Variants in NPR3 observed in about 807,000 individuals in gnomAD.
NPR3 encodes atrial natriuretic peptide receptor 3.
NPR3 carries 34 observed loss-of-function variants against 54.5 expected under a neutral mutation model. The observed-to-expected ratio is 0.62, with a 90% CI of 0.47 to 0.83. NPR3 has a LOEUF of 0.83. NPR3 is among the 40% of genes least tolerant of loss of function. The probability of loss-of-function intolerance (pLI) is 0.00; values close to 1 mark genes in which losing one functional copy is unlikely to be tolerated. For missense variants in NPR3, 674 were observed against 720.8 expected (o/e 0.94, Z 0.74); for synonymous variants, 289 against 297.1 (o/e 0.97, Z 0.28).
chr5:32,713,474 G>C (rs999576670), intron 1 of NPR3: 2 of 984,632 alleles, frequency 2.0e-6, no homozygotes, highest in Admixed American at 1.2e-4. Context: ...TGAGATGCCG[G>C]TATAGCGCCG....
intron 1 of NPR3, chr5:32,716,368 C>CTTTT (rs34628434): frequency 1.2e-5 from 5 of 404,432 alleles, no homozygotes; most frequent in East Asian, 1.6e-4. Flanking sequence ...TAACATGCTA[C>CTTTT]TTTTTTTTTT....
chr5:32,752,548 C>T (rs964734593), intron 3 of NPR3, among the ~76,000 whole-genome samples: 2 of 152,198 alleles, frequency 1.3e-5, no homozygotes, highest in African/African-American at 4.8e-5. Flanking sequence ...CTCCTCCCCT[C>T]CTTCGCCCTC....
intron 1 of NPR3, 90 bp from the exon 2 acceptor site, chr5:32,724,608 G>A (rs182050113): frequency 3.8e-5 from 56 of 1,477,986 alleles, no homozygotes; most frequent in Middle Eastern, 2.2e-4. Flanking sequence ...TAAGTATCCC[G>A]TTCCTTGTCA....
At chr5:32,707,772 A>G (rs1738034635), upstream of NPR3, among the ~76,000 whole-genome samples, 1 of 152,182 alleles carries the variant, frequency 6.6e-6, no homozygotes, top group Admixed American at 6.5e-5. Context: ...AGTTGCAGAG[A>G]CTGTTACAGT....
intron 1 of NPR3, among the ~76,000 whole-genome samples, chr5:32,699,827 A>C (rs1283607844): frequency 6.6e-6 from 1 of 152,152 alleles, no homozygotes; most frequent in Non-Finnish European, 1.5e-5. Context: ...TTGCTCATTA[A>C]TGTCCTTTTC....
chr5:32,723,385 C>T (rs2111887452), intron 1 of NPR3, among the ~76,000 whole-genome samples: 1 of 152,270 alleles, frequency 6.6e-6, no homozygotes. Flanking sequence ...TTGTGTGAAG[C>T]CTCTTGAATC....
At chr5:32,780,059 C>T (rs942063318) in intron 4 of NPR3, among the ~76,000 whole-genome samples, 13 of 152,184 alleles carry the variant, frequency 8.5e-5, no homozygotes, top group African/African-American at 2.9e-4. Context: ...GCTAAATCCC[C>T]AGTCCAGGCT....
chr5:32,723,285 T>C lies in NPR3; in HGVS notation c.770-1413T>C, dbSNP rs115018592. Among the ~76,000 whole-genome samples, 436 of 152,282 alleles carry C rather than the reference T, an allele frequency of 2.9e-3. 1 individual carries two copies. Among genetic ancestry groups the C allele is most frequent in the African/African-American group, 9.8e-3 (406 of 41,548 alleles). ...CCTGGGTCTATCAACAGGGATCAAA[T>C]AGACTGGGTAATGGTCAAGCCCTAC... On this transcript the variant is annotated intron_variant, in intron 1 of 7. Transcript: ENST00000265074.
intron 3 of NPR3, among the ~76,000 whole-genome samples, chr5:32,755,934 C>T (rs1340744174): frequency 1.3e-5 from 2 of 152,310 alleles, no homozygotes; most frequent in Middle Eastern, 3.4e-3. Context: ...GACATGAACT[C>T]ATCATTTTTT....
chr5:32,784,616 AAAAC>A (rs767011594), intron 6 of NPR3, among the ~76,000 whole-genome samples, 176 bp from the exon 7 acceptor site: 28 of 152,192 alleles, frequency 1.8e-4, no homozygotes, highest in Non-Finnish European at 1.3e-4. Context: ...GCACTGGGCA[AAAAC>A]AAACAAACAA....
chr5:32,711,045 C>T (rs1738193648), upstream of NPR3, among the ~76,000 whole-genome samples: 4 of 151,994 alleles, frequency 2.6e-5, no homozygotes, highest in South Asian at 8.3e-4. Context: ...GGGCTCTTGC[C>T]GGTGCAGACG....
Position 32,702,405 on chromosome 5 carries a change from C to T in NPR3, c.100+13219C>T, listed in dbSNP as rs139385805. 3.5e-3 allele frequency among the ~76,000 whole-genome samples: 377 copies of T among 109,084 alleles called. 2 individuals are homozygous for T. Among genetic ancestry groups the T allele is most frequent in the African/African-American group, 0.012 (340 of 28,972 alleles). 71.6% of individuals were successfully genotyped at this position (109,084 alleles called of 152,430 possible). ...GGTATATCTCCTAATGCTATCCCTC[C>T]CCCCTCCCCCCACCCCACAACAGTC... On this transcript the variant is annotated intron_variant, in intron 1 of 5. Coordinates refer to the NPR3 transcript ENST00000509104.
At chr5:32,750,941 A>G (rs951948638) in intron 3 of NPR3, among the ~76,000 whole-genome samples, 1 of 152,210 alleles carries the variant, frequency 6.6e-6, no homozygotes, top group Non-Finnish European at 1.5e-5. Flanking sequence ...CAGGTTTGTC[A>G]TCTTGGTATA....
At chr5:32,714,237 C>T (rs934025061) in intron 1 of NPR3, among the ~76,000 whole-genome samples, 1 of 152,266 alleles carries the variant, frequency 6.6e-6, no homozygotes, top group African/African-American at 2.4e-5. Context: ...TGTCACTACC[C>T]TGTAGATCCC....
intron 7 of NPR3, among the ~76,000 whole-genome samples, chr5:32,785,698 G>A (rs940644323): frequency 1.3e-5 from 2 of 152,310 alleles, no homozygotes; most frequent in South Asian, 4.1e-4. Context: ...TCCAAGGCTT[G>A]CAAAATTGTA....
At chr5:32,749,087 G>A (rs1740444254) in intron 3 of NPR3, among the ~76,000 whole-genome samples, 1 of 151,940 alleles carries the variant, frequency 6.6e-6, no homozygotes, top group Non-Finnish European at 1.5e-5. Context: ...TTATCTTTCT[G>A]AGTGCATGCT....
intron 3 of NPR3, among the ~76,000 whole-genome samples, chr5:32,767,063 C>T (rs569058162): frequency 1.3e-5 from 2 of 152,224 alleles, no homozygotes; most frequent in Non-Finnish European, 1.5e-5. Context: ...TCAACTCAGT[C>T]ACAGCAACTG....
intron 4 of NPR3, among the ~76,000 whole-genome samples, chr5:32,780,323 T>C (rs1292883278): frequency 6.6e-6 from 1 of 152,198 alleles, no homozygotes; most frequent in Non-Finnish European, 1.5e-5. Flanking sequence ...TCTATTATAA[T>C]GTTCATCCAA....
At chr5:32,700,899 T>G (rs994102815) in intron 1 of NPR3, among the ~76,000 whole-genome samples, 1 of 152,242 alleles carries the variant, frequency 6.6e-6, no homozygotes, top group African/African-American at 2.4e-5. Flanking sequence ...TATAATCTCC[T>G]GGGTATATAC....
Sources: gnomAD v4.1 joint callset for allele counts (sites outside exome capture counted in the v4.1 genomes callset) on GRCh38, gnomAD v4.1.1 for gene constraint, MANE v1.5 for transcripts, NCBI Gene and HGNC (gene_info 2026-07-23, HGNC 2026-07-21) for gene names.